The following GSK3B variants were observed in gnomAD, a reference collection of about 807,000 sequenced individuals.
GSK3B encodes glycogen synthase kinase 3 beta.
GSK3B carries 15 observed loss-of-function variants against 56.4 expected under a neutral mutation model. That is an observed-to-expected ratio of 0.27 (90% confidence interval 0.18 to 0.41). GSK3B has a LOEUF of 0.41. Among genes scored for constraint, GSK3B ranks in the 10% least tolerant of loss-of-function variants. The probability of loss-of-function intolerance (pLI) is 1.00; values close to 1 mark genes in which losing one functional copy is unlikely to be tolerated. For missense variants in GSK3B, 300 were observed against 513.4 expected (o/e 0.58, Z 4.02); for synonymous variants, 181 against 188.9 (o/e 0.96, Z 0.34).
At chr3:119,902,828 C>T (rs1471639809) in intron 7 of GSK3B, among the ~76,000 whole-genome samples, 5 of 152,178 alleles carry the variant, frequency 3.3e-5, no homozygotes, top group African/African-American at 1.2e-4. Context: ...TACCCTCCCA[C>T]TTCAGGCTCC....
In GSK3B at chr3:119,888,604, G is replaced by A. The variant is rs143713296; in HGVS notation, c.814-12096C>T. 4.6e-4 allele frequency among the ~76,000 whole-genome samples: 70 copies of A among 152,084 alleles called. No homozygotes were observed. In the East Asian group the frequency reaches 0.01, roughly 23 times the overall value. ...ACGTGTGTTTGAACAATATGAAATCGGTGCACCTTGAAAAAGAACAGAATA... is the reference window on the plus strand; with the variant it reads ...ACGTGTGTTTGAACAATATGAAATCAGTGCACCTTGAAAAAGAACAGAATA... On this transcript the variant is annotated intron_variant, in intron 7 of 10. Transcript: ENST00000264235.
chr3:119,969,190 A>G (rs1030723049), intron 2 of GSK3B, among the ~76,000 whole-genome samples: 4 of 151,758 alleles, frequency 2.6e-5, no homozygotes, highest in Non-Finnish European at 5.9e-5. Context: ...TACTTGGGAG[A>G]CTGAGCCAGG....
At chr3:119,974,774 T>C (rs1199807201) in intron 2 of GSK3B, among the ~76,000 whole-genome samples, 3 of 152,140 alleles carry the variant, frequency 2.0e-5, no homozygotes, top group African/African-American at 7.2e-5. Context: ...TACACTGGCA[T>C]ACTACTACTA....
chr3:120,028,950 A>C (rs2057952717), intron 1 of GSK3B: 1 of 560,540 alleles, frequency 1.8e-6, no homozygotes, highest in African/African-American at 1.9e-5. Context: ...CAAGTGGTGA[A>C]GCATACAAGA....
chr3:120,061,497 T>C (rs937211708), intron 1 of GSK3B, among the ~76,000 whole-genome samples: 5 of 152,220 alleles, frequency 3.3e-5, no homozygotes, highest in African/African-American at 9.6e-5. Flanking sequence ...GTAATCTTAC[T>C]GTGTGAATAC....
At chr3:120,069,096 C>G (rs569760411) in intron 1 of GSK3B, among the ~76,000 whole-genome samples, 1 of 152,110 alleles carries the variant, frequency 6.6e-6, no homozygotes, top group Non-Finnish European at 1.5e-5. Flanking sequence ...CCTTCCCTTG[C>G]CCTGGGTAAT....
intron 6 of GSK3B, among the ~76,000 whole-genome samples, chr3:119,912,163 G>A (rs1195686376): frequency 2.0e-5 from 3 of 152,062 alleles, no homozygotes; most frequent in Non-Finnish European, 2.9e-5. Context: ...TTTCAATATT[G>A]TTGTCTCTCA....
intron 1 of GSK3B, among the ~76,000 whole-genome samples, chr3:120,010,376 C>T (rs1466535347): frequency 6.6e-6 from 1 of 152,120 alleles, no homozygotes; most frequent in Non-Finnish European, 1.5e-5. Flanking sequence ...GTCCTAAAAA[C>T]AGAATCACAG....
rs950217358 is a variant in GSK3B, at chr3:119,920,166, T to G, written c.477+3207A>C. 2.6e-5 allele frequency among the ~76,000 whole-genome samples: 4 copies of G among 152,170 alleles called. No homozygotes were observed. The East Asian group carries it at 7.7e-4, about 29-fold the overall frequency. ...TTTAAAGTAAATTTTATTTGAAAAT[T>G]TAGAAAACCACAATCTATAATAAAA... On this transcript the variant is annotated intron_variant, in intron 4 of 10. Transcript: ENST00000264235.
chr3:120,045,845 G>T (rs2058098321), intron 1 of GSK3B, among the ~76,000 whole-genome samples: 1 of 152,094 alleles, frequency 6.6e-6, no homozygotes, highest in Non-Finnish European at 1.5e-5. Flanking sequence ...TCTTTCAATA[G>T]GTAAGCAGCT....
chr3:119,970,397 A>G (rs769943639), intron 2 of GSK3B, among the ~76,000 whole-genome samples: 3 of 152,196 alleles, frequency 2.0e-5, no homozygotes, highest in Admixed American at 6.5e-5. Context: ...ATGAAATACC[A>G]CTATACACCT....
chr3:120,093,325 G>A, intron 1 of GSK3B, 22 bp downstream of exon 1: 1 of 1,509,668 alleles, frequency 6.6e-7, no homozygotes, highest in Admixed American at 1.7e-5. Flanking sequence ...GAAAAGGGGT[G>A]TAAAATAAAA....
At position 119,923,587 on chromosome 3, in the gene GSK3B, T is replaced by A. The variant is rs868094355; in HGVS notation, c.367-104A>T. 15 of 501,190 alleles carry A rather than the reference T, an allele frequency of 3.0e-5. 1 individual carries two copies. The highest frequency in any genetic ancestry group is 5.2e-4 in the Middle Eastern group (1 of 1,928). 31.0% of individuals were successfully genotyped at this position (501,190 alleles called of 1,614,324 possible). A position where few individuals can be genotyped will look rare whatever the true frequency, so the allele number is the denominator to read the frequency against. On this transcript the variant is annotated intron_variant, in intron 3 of 10. Transcript: ENST00000264235. ...CTCTAGATATTTACTTATTCGGATT[T>A]TTAAAGATTAATGTGTCACTTTTAA...
chr3:119,844,450 G>A (rs924361879), intron 9 of GSK3B, among the ~76,000 whole-genome samples: 4 of 151,608 alleles, frequency 2.6e-5, no homozygotes, highest in African/African-American at 9.7e-5. Context: ...ATTAATAAAG[G>A]AAAGAGAGAA....
chr3:119,940,342 G>C (rs1006140843), intron 3 of GSK3B, among the ~76,000 whole-genome samples: 20 of 152,022 alleles, frequency 1.3e-4, no homozygotes, highest in African/African-American at 4.6e-4. Flanking sequence ...ATACTATACT[G>C]CTTCAAAATT....
chr3:120,089,176 A>T (rs1157719892), intron 1 of GSK3B, among the ~76,000 whole-genome samples: 1 of 152,222 alleles, frequency 6.6e-6, no homozygotes, highest in African/African-American at 2.4e-5. Flanking sequence ...TGCAGTTCCC[A>T]ATCAGCCATA....
intron 1 of GSK3B, among the ~76,000 whole-genome samples, chr3:120,080,172 A>G (rs1270071773): frequency 6.6e-6 from 1 of 151,916 alleles, no homozygotes; most frequent in Non-Finnish European, 1.5e-5. Flanking sequence ...ACTCCTGTGG[A>G]CCCAACTAAT....
chr3:120,008,390 T>C (rs2057747777), intron 1 of GSK3B, among the ~76,000 whole-genome samples: 1 of 152,202 alleles, frequency 6.6e-6, no homozygotes, highest in Non-Finnish European at 1.5e-5. Context: ...CAAAAGAGCC[T>C]GCATACCCAA....
At chr3:119,893,002 T>C (rs562263419) in intron 7 of GSK3B, among the ~76,000 whole-genome samples, 5 of 152,200 alleles carry the variant, frequency 3.3e-5, no homozygotes, top group African/African-American at 9.6e-5. Context: ...TCCTACAATT[T>C]ACAGATTTTA....
Sources: gnomAD v4.1 joint callset for allele counts (sites outside exome capture counted in the v4.1 genomes callset) on GRCh38, gnomAD v4.1.1 for gene constraint, MANE v1.5 for transcripts, NCBI Gene and HGNC (gene_info 2026-07-23, HGNC 2026-07-21) for gene names.